LAMB4: variants seen among roughly 807,000 people sequenced by gnomAD.
LAMB4 encodes laminin subunit beta 4, also known as laminin subunit beta-4.
In LAMB4, 196 loss-of-function variants were observed where a neutral mutation model predicts 199.2. The observed-to-expected ratio is 0.98, with a 90% CI of 0.88 to 1.11. LAMB4 has a LOEUF of 1.11. Among genes scored for constraint, LAMB4 ranks in the 50% least tolerant of loss-of-function variants. The pLI, the probability that LAMB4 is intolerant of heterozygous loss-of-function variation, is 0.00. For synonymous variants in LAMB4, 744 were observed against 770.6 expected, an observed-to-expected ratio of 0.97 and a Z score of 0.57; for missense variants, 2,080 against 2,171.2, an observed-to-expected ratio of 0.96 and a Z score of 0.83.
intron 9 of LAMB4, 24 bp downstream of exon 9, chr7:108,104,475 T>C (rs376264563): frequency 9.4e-5 from 152 of 1,613,608 alleles, no homozygotes; most frequent in Non-Finnish European, 1.2e-4. Context: ...ACTCAGTCTA[T>C]GCAGGGAACT....
intron 4 of LAMB4, among the ~76,000 whole-genome samples, chr7:108,110,170 A>C (rs954129085): frequency 2.6e-5 from 4 of 152,066 alleles, no homozygotes; most frequent in African/African-American, 9.7e-5. Context: ...CTGGGACTAC[A>C]TGCTTGCTCC....
chr7:108,105,713 C>T, intron 8 of LAMB4, 104 bp downstream of exon 8: 2 of 1,002,058 alleles, frequency 2.0e-6, no homozygotes, highest in African/African-American at 1.6e-5. Context: ...AAAACTGGCA[C>T]TTAGATTTGT....
At chr7:108,063,061 A>C in intron 22 of LAMB4, 67 bp from the exon 23 acceptor site, 2 of 1,056,532 alleles carry the variant, frequency 1.9e-6, no homozygotes, top group African/African-American at 1.6e-5. Flanking sequence ...AAACCATACA[A>C]ACAGCGTTTT....
intron 25 of LAMB4, among the ~76,000 whole-genome samples, chr7:108,053,997 T>C (rs2035904072): frequency 6.6e-6 from 1 of 152,104 alleles, no homozygotes; most frequent in African/African-American, 2.4e-5. Flanking sequence ...AACATAGGGG[T>C]CTAGATCTTG....
intron 2 of LAMB4, among the ~76,000 whole-genome samples, chr7:108,118,711 A>T (rs974293899): frequency 2.0e-5 from 3 of 152,102 alleles, no homozygotes; most frequent in African/African-American, 7.2e-5. Flanking sequence ...ATAGGAGAAA[A>T]TCTGGCATTT....
At chr7:108,116,629 C>T (rs1234875938) in intron 2 of LAMB4, among the ~76,000 whole-genome samples, 1 of 152,140 alleles carries the variant, frequency 6.6e-6, no homozygotes, top group African/African-American at 2.4e-5. Flanking sequence ...ATTTATTTCA[C>T]CATGGAAGGC....
Position 108,037,417 on chromosome 7 carries a change from T to C in LAMB4, c.4650A>G (p.Gln1550=). ...CTGCTTTGGCCTTCACCAAAAGCTTTTGGGCTCCATCTGCTTCTTCATTTA... is the reference window on the plus strand; with the variant it reads ...CTGCTTTGGCCTTCACCAAAAGCTTCTGGGCTCCATCTGCTTCTTCATTTA... ...NRLNEEADGA[Q]KLLVKAKAAE... is the part of the protein sequence containing the mutation. The change falls in exon 30 of 34, where the codon CAA becomes CAG. Residue 1550 remains glutamine (Q), a synonymous_variant. Coordinates refer to ENST00000388781, the MANE Select transcript of LAMB4 (RefSeq NM_007356.3). 6.2e-7 allele frequency: 1 copy of C among 1,614,206 alleles called. No homozygotes were observed. Among genetic ancestry groups the C allele is most frequent in the South Asian group, 1.1e-5 (1 of 91,086 alleles).
intron 10 of LAMB4, among the ~76,000 whole-genome samples, chr7:108,102,241 A>T (rs2037839237): frequency 6.6e-6 from 1 of 152,262 alleles, no homozygotes; most frequent in Non-Finnish European, 1.5e-5. Context: ...AAAATGGAAG[A>T]ACTAAGACTA....
At chr7:108,085,170 A>G (rs907826112) in intron 14 of LAMB4, among the ~76,000 whole-genome samples, 15 of 152,242 alleles carry the variant, frequency 9.9e-5, no homozygotes, top group African/African-American at 3.1e-4. Flanking sequence ...TTACTCATCA[A>G]TATGCTGAAG....
chr7:108,115,061 T>C (rs944977604), intron 3 of LAMB4, among the ~76,000 whole-genome samples: 1 of 152,224 alleles, frequency 6.6e-6, no homozygotes, highest in African/African-American at 2.4e-5. Flanking sequence ...TTCAGCATAA[T>C]GGCAGCAGGC....
At chr7:108,128,453 A>G (rs1343479359) in intron 1 of LAMB4, among the ~76,000 whole-genome samples, 1 of 152,150 alleles carries the variant, frequency 6.6e-6, no homozygotes. Context: ...AAATATCAAC[A>G]GCGCTGAGCT....
At position 108,098,312 on chromosome 7, in the gene LAMB4, G is replaced by T. The variant is rs542688601; in HGVS notation, c.1360+91C>A. On this transcript the variant is annotated intron_variant, in intron 11 of 33. Transcript: ENST00000388781. ...TTTGCCACTGTACTCCAGCCTGGGCGACAGAGCGAGACTCCATCTCAAAAA... is the reference window on the plus strand; with the variant it reads ...TTTGCCACTGTACTCCAGCCTGGGCTACAGAGCGAGACTCCATCTCAAAAA... 81 of 1,158,776 alleles carry T rather than the reference G, an allele frequency of 7.0e-5. No individual in the cohort carries two copies. The South Asian group carries it at 1.3e-3, about 18-fold the overall frequency. 71.8% of individuals were successfully genotyped at this position (1,158,776 alleles called of 1,614,324 possible).
At chr7:108,075,790 T>G (rs967668475) in intron 17 of LAMB4, 2 of 153,598 alleles carry the variant, frequency 1.3e-5, no homozygotes, top group African/African-American at 4.8e-5. Context: ...TGAAACCCCA[T>G]CTCTACTAAA....
chr7:108,120,784 T>G (rs1167138188), intron 2 of LAMB4, among the ~76,000 whole-genome samples: 1 of 152,270 alleles, frequency 6.6e-6, no homozygotes. Flanking sequence ...TTTATACTTT[T>G]AGACAAGTTC....
chr7:108,074,567 C>A (rs528909470), intron 17 of LAMB4, among the ~76,000 whole-genome samples: 2 of 152,168 alleles, frequency 1.3e-5, no homozygotes, highest in South Asian at 4.2e-4. Flanking sequence ...CGGGGTTTCG[C>A]CATGTTGCCT....
At chr7:108,114,407 C>A (rs144566950) in intron 3 of LAMB4, among the ~76,000 whole-genome samples, 18 of 152,000 alleles carry the variant, frequency 1.2e-4, no homozygotes, top group Non-Finnish European at 2.2e-4. Context: ...CTACTGCATG[C>A]CAGCCTGGGT....
intron 30 of LAMB4, 39 bp downstream of exon 30, chr7:108,037,349 T>C: frequency 6.8e-7 from 1 of 1,472,224 alleles, no homozygotes; most frequent in South Asian, 1.2e-5. Flanking sequence ...CAGCAGATGG[T>C]CTGTTAGAGC....
Position 108,052,099 on chromosome 7 carries a change from G to A in LAMB4, c.3914C>T (p.Ala1305Val), listed in dbSNP as rs778024891. The change falls in exon 26 of 34, where the codon GCG (alanine) becomes GTG (valine). Residue 1305 changes from alanine to valine, a missense_variant and splice_region_variant. Coordinates refer to ENST00000388781, the MANE Select transcript of LAMB4 (RefSeq NM_007356.3). ...LQSSVLNASI[A>V]DSSENIKKYY... ...TCAAAAATACATTTTTCCCTTACCC[G>A]CAATGCTTGCATTAAGGACACTGGA... 1.8e-5 allele frequency: 28 copies of A among 1,598,804 alleles called. No homozygotes were observed. Among genetic ancestry groups the A allele is most frequent in the South Asian group, 9.1e-5 (8 of 87,696 alleles).
chr7:108,069,575 CTG>C, intron 18 of LAMB4, 131 bp downstream of exon 18: 1 of 750,358 alleles, frequency 1.3e-6, no homozygotes, highest in Non-Finnish European at 2.2e-6. Flanking sequence ...GCAGACCACT[CTG>C]TGTATCTAAT....
Sources: gnomAD v4.1 joint callset for allele counts (sites outside exome capture counted in the v4.1 genomes callset) on GRCh38, gnomAD v4.1.1 for gene constraint, MANE v1.5 for transcripts, NCBI Gene and HGNC (gene_info 2026-07-23, HGNC 2026-07-21) for gene names.